Variants in DLG2 observed in about 807,000 individuals in gnomAD.
The protein encoded by DLG2 is disks large homolog 2.
Under a neutral mutation model 132.5 loss-of-function variants are expected in DLG2, and 45 were observed. The observed-to-expected ratio is 0.34, with a 90% CI of 0.27 to 0.44. DLG2 has a LOEUF of 0.44. DLG2 is among the 20% of genes least tolerant of loss of function. The pLI, the probability that DLG2 is intolerant of heterozygous loss-of-function variation, is 1.00. For missense variants in DLG2, 1,045 were observed against 1,196.9 expected (o/e 0.87, Z 1.87); for synonymous variants, 424 against 419.6 (o/e 1.01, Z -0.13).
intron 6 of DLG2, among the ~76,000 whole-genome samples, chr11:85,045,966 C>CA (rs2062306702): frequency 6.6e-6 from 1 of 152,012 alleles, no homozygotes; most frequent in African/African-American, 2.4e-5. Flanking sequence ...CAAATGATGC[C>CA]AGTGAAAAGC....
At chr11:85,256,951 C>T (rs1411128744) in intron 4 of DLG2, among the ~76,000 whole-genome samples, 1 of 151,948 alleles carries the variant, frequency 6.6e-6, no homozygotes, top group Non-Finnish European at 1.5e-5. Context: ...CAAGCTAACT[C>T]AAAAGTCTTC....
At chr11:84,767,124 G>A (rs936694725) in intron 6 of DLG2, among the ~76,000 whole-genome samples, 1 of 152,008 alleles carries the variant, frequency 6.6e-6, no homozygotes, top group African/African-American at 2.4e-5. Flanking sequence ...GAGTTTGAGT[G>A]TATTTTAAGT....
Position 84,982,901 on chromosome 11 carries a change from T to C in DLG2, c.357+128760A>G, listed in dbSNP as rs886892097. ...TACACCCACTCGTGATAATAATTCTTGAAAAGTAAGAATACAGGGGAACCT... is the reference window on the plus strand; with the variant it reads ...TACACCCACTCGTGATAATAATTCTCGAAAAGTAAGAATACAGGGGAACCT... On this transcript the variant is annotated intron_variant, in intron 6 of 27. Transcript: ENST00000376104. 9.2e-5 allele frequency among the ~76,000 whole-genome samples: 14 copies of C among 152,124 alleles called. No individual in the cohort carries two copies. In the East Asian group the frequency reaches 2.3e-3, roughly 25 times the overall value.
rs181477689 is a variant in DLG2, at chr11:84,514,954, A to G, written c.519+19616T>C. ...ATATATACACCTACTGTGTACCCAG[A>G]AAAACTAAAAATAAAAAAATTAATT... On this transcript the variant is annotated intron_variant, in intron 7 of 27. Coordinates refer to ENST00000376104, the MANE Select transcript of DLG2 (RefSeq NM_001142699.3). Among the ~76,000 whole-genome samples the G allele has an allele frequency of 1.8e-3, 279 of 151,784 alleles. 4 individuals carry two copies. The highest frequency in any genetic ancestry group is 3.3e-3 in the Non-Finnish European group (221 of 67,920).
At position 83,742,706 on chromosome 11, in the gene DLG2, A is replaced by G. The variant is rs138412531; in HGVS notation, c.1825+43984T>C. ...AAGCAGTAGTATTTACTGGGCACACACTACATTTCAAACCTTCCCAAAATA... is the reference window on the plus strand; with the variant it reads ...AAGCAGTAGTATTTACTGGGCACACGCTACATTTCAAACCTTCCCAAAATA... On this transcript the variant is annotated intron_variant, in intron 18 of 27. Transcript: ENST00000376104. Among the ~76,000 whole-genome samples, 592 of 152,326 alleles carry G rather than the reference A, an allele frequency of 3.9e-3. 6 individuals carry two copies. Among genetic ancestry groups the G allele is most frequent in the African/African-American group, 0.013 (547 of 41,588 alleles).
At chr11:84,381,871 C>T (rs779616126) in intron 7 of DLG2, among the ~76,000 whole-genome samples, 5 of 152,162 alleles carry the variant, frequency 3.3e-5, no homozygotes, top group Non-Finnish European at 5.9e-5. Context: ...TGTCTATCTG[C>T]CTCCTGTAAG....
rs1313527354 is a variant in DLG2 at position 83,456,947 on chromosome 11, A to G, written c.*2871T>C. On this transcript the variant is annotated 3_prime_UTR_variant, in exon 28 of 28. Coordinates refer to ENST00000376104, the MANE Select transcript of DLG2 (RefSeq NM_001142699.3). ...AAAGGCCTGCAAATAAATGGCCGACAATTCTGTGGGAGGAGAGCAAAAAAC... is the reference window on the plus strand; with the variant it reads ...AAAGGCCTGCAAATAAATGGCCGACGATTCTGTGGGAGGAGAGCAAAAAAC... 2.0e-5 allele frequency: 3 copies of G among 152,648 alleles called. No individual in the cohort carries two copies. The highest frequency in any genetic ancestry group is 2.9e-5 in the Non-Finnish European group (2 of 68,040). The allele number at this position is 152,648 out of a possible 1,614,324, so 9.5% of individuals were successfully genotyped here.
At chr11:84,784,612 T>A (rs1555220799) in intron 6 of DLG2, among the ~76,000 whole-genome samples, 2 of 151,912 alleles carry the variant, frequency 1.3e-5, no homozygotes, top group Non-Finnish European at 2.9e-5. Context: ...GTAAATATTT[T>A]AAGAAGATCT....
chr11:83,475,716 T>TTTTTC (rs149123372), intron 22 of DLG2, among the ~76,000 whole-genome samples: 223 of 151,330 alleles, frequency 1.5e-3, no homozygotes, highest in Non-Finnish European at 2.4e-3. Flanking sequence ...CTCTCTTCTT[T>TTTTTC]TTTTCTTTTC....
chr11:83,998,339 T>C (rs1223520832), intron 11 of DLG2, among the ~76,000 whole-genome samples: 1 of 152,220 alleles, frequency 6.6e-6, no homozygotes, highest in Non-Finnish European at 1.5e-5. Context: ...AGCCTAATGA[T>C]GGCTGACTAG....
chr11:84,220,923 GGTGCATGGTGCATGCCACCAT>G lies in DLG2; in HGVS notation c.573+30294_573+30314del, dbSNP rs550555143. ...AGTCTCCTAAGTAGCTGGGACTACA[GGTGCATGGTGCATGCCACCAT>G]GCCCAGCTGATGTTTTTTTTTTTTT... On this transcript the variant is annotated intron_variant, in intron 8 of 27. Coordinates refer to ENST00000376104, the MANE Select transcript of DLG2 (RefSeq NM_001142699.3). Among the ~76,000 whole-genome samples the G allele has an allele frequency of 7.0e-4, 105 of 149,572 alleles. 2 individuals carry two copies. In the South Asian group the frequency reaches 0.02, roughly 29 times the overall value.
intron 19 of DLG2, among the ~76,000 whole-genome samples, chr11:83,610,796 G>A (rs915537358): frequency 1.3e-5 from 2 of 152,086 alleles, no homozygotes; most frequent in Non-Finnish European, 2.9e-5. Context: ...ACATGATTAT[G>A]AGGTTGGTAC....
chr11:83,828,280 C>T (rs2053463938), intron 17 of DLG2, among the ~76,000 whole-genome samples: 1 of 152,142 alleles, frequency 6.6e-6, no homozygotes, highest in South Asian at 2.1e-4. Flanking sequence ...GTAATCTCAG[C>T]TACTTGGGAG....
At chr11:84,827,644 T>C (rs1337622332) in intron 6 of DLG2, among the ~76,000 whole-genome samples, 6 of 101,516 alleles carry the variant, frequency 5.9e-5, no homozygotes, top group Non-Finnish European at 1.1e-4. Context: ...ACTGGGAACA[T>C]GATAATAAGG....
intron 19 of DLG2, among the ~76,000 whole-genome samples, chr11:83,592,295 A>T (rs1210354164): frequency 6.7e-6 from 1 of 150,234 alleles, no homozygotes; most frequent in African/African-American, 2.4e-5. Flanking sequence ...CAAAACAGAG[A>T]TATAGATCAA....
chr11:85,583,671 T>C (rs1208933963), intron 3 of DLG2, among the ~76,000 whole-genome samples: 1 of 152,186 alleles, frequency 6.6e-6, no homozygotes, highest in Admixed American at 6.5e-5. Flanking sequence ...CTAACTCTTC[T>C]ATCTTTCGCT....
intron 6 of DLG2, among the ~76,000 whole-genome samples, chr11:84,812,079 A>C (rs972083086): frequency 1.2e-4 from 19 of 152,166 alleles, no homozygotes; most frequent in African/African-American, 4.6e-4. Flanking sequence ...TATAGATAAA[A>C]GCGTTTCAGA....
chr11:84,725,963 T>C (rs1259115209), intron 6 of DLG2, among the ~76,000 whole-genome samples: 1 of 152,060 alleles, frequency 6.6e-6, no homozygotes, highest in African/African-American at 2.4e-5. Context: ...TTTTACTGTC[T>C]CAGTGACTCT....
At chr11:84,038,340 TG>T (rs535638588) in intron 11 of DLG2, among the ~76,000 whole-genome samples, 145 of 151,668 alleles carry the variant, frequency 9.6e-4, no homozygotes, top group Non-Finnish European at 1.7e-3. Flanking sequence ...GCAAAGGACA[TG>T]AACAGACGCT....
Sources: allele counts gnomAD v4.1 joint callset (sites outside exome capture counted in the v4.1 genomes callset), GRCh38; gene constraint gnomAD v4.1.1; transcripts MANE v1.5; gene names NCBI Gene and HGNC (gene_info 2026-07-23, HGNC 2026-07-21).